Variants in MAPK10 observed in about 807,000 individuals in gnomAD.
The protein encoded by MAPK10 is JNK3 alpha protein kinase.
In MAPK10, 25 loss-of-function variants were observed where a neutral mutation model predicts 59.3. The ratio of observed to expected loss-of-function variants is 0.42; its 90% CI spans 0.31 to 0.59. MAPK10 has a LOEUF of 0.59. Among genes scored for constraint, MAPK10 ranks in the 20% least tolerant of loss-of-function variants. The pLI, the probability that MAPK10 is intolerant of heterozygous loss-of-function variation, is 0.15. For missense variants in MAPK10, 351 were observed against 568.9 expected (o/e 0.62, Z 3.90); for synonymous variants, 190 against 200.5 (o/e 0.95, Z 0.44).
At chr4:86,169,457 G>A (rs2073247743) in intron 3 of MAPK10, among the ~76,000 whole-genome samples, 1 of 152,272 alleles carries the variant, frequency 6.6e-6, no homozygotes, top group South Asian at 2.1e-4. Flanking sequence ...TGGAAGAAAG[G>A]ATATCAGCAA....
intron 1 of MAPK10, among the ~76,000 whole-genome samples, chr4:86,546,671 G>A (rs76747728): frequency 0.047 from 7,124 of 152,190 alleles, 220 homozygotes; most frequent in African/African-American, 0.059. Context: ...ATGCCCATGA[G>A]GCCAGCCCTA....
chr4:86,178,929 G>A (rs572988314), intron 3 of MAPK10, among the ~76,000 whole-genome samples: 1 of 152,258 alleles, frequency 6.6e-6, no homozygotes, highest in Non-Finnish European at 1.5e-5. Flanking sequence ...TTTGCTGGGT[G>A]TGGTGGCTCA....
intron 2 of MAPK10, among the ~76,000 whole-genome samples, chr4:86,257,259 A>C (rs1447815599): frequency 6.6e-6 from 1 of 152,170 alleles, no homozygotes; most frequent in Non-Finnish European, 1.5e-5. Flanking sequence ...TAGTTGAAAG[A>C]AGCAAAAGTC....
chr4:86,065,781 T>C (rs2046621936), intron 10 of MAPK10, among the ~76,000 whole-genome samples: 1 of 152,230 alleles, frequency 6.6e-6, no homozygotes, highest in Non-Finnish European at 1.5e-5. Context: ...TTCAGTTTAT[T>C]CTAACTATAT....
intron 4 of MAPK10, among the ~76,000 whole-genome samples, chr4:86,129,098 T>C (rs904784091): frequency 2.0e-5 from 3 of 152,152 alleles, no homozygotes; most frequent in Non-Finnish European, 4.4e-5. Flanking sequence ...AATAATTTCA[T>C]GTTAATAACT....
At chr4:86,230,972 A>G (rs561082267) in intron 2 of MAPK10, among the ~76,000 whole-genome samples, 1 of 152,344 alleles carries the variant, frequency 6.6e-6, no homozygotes, top group South Asian at 2.1e-4. Context: ...ATAACTGGAA[A>G]AGGGATGCTG....
intron 2 of MAPK10, chr4:86,326,648 G>T (rs1256064560): frequency 6.6e-6 from 1 of 152,132 alleles, no homozygotes; most frequent in Non-Finnish European, 1.5e-5. Context: ...TTTGTAAGAT[G>T]AAATAGCTGA....
intron 2 of MAPK10, among the ~76,000 whole-genome samples, chr4:86,307,352 C>G (rs1397952351): frequency 6.6e-6 from 1 of 152,116 alleles, no homozygotes; most frequent in Non-Finnish European, 1.5e-5. Context: ...CAATTCCATT[C>G]AACTGGCCTA....
chr4:86,256,059 A>G (rs945614086), intron 2 of MAPK10, among the ~76,000 whole-genome samples: 3 of 152,238 alleles, frequency 2.0e-5, no homozygotes, highest in African/African-American at 7.2e-5. Flanking sequence ...AAGCAATTAC[A>G]GGCACCAGAC....
At chr4:86,425,964 C>T (rs1366282054) in intron 1 of MAPK10, among the ~76,000 whole-genome samples, 2 of 152,170 alleles carry the variant, frequency 1.3e-5, no homozygotes, top group Non-Finnish European at 2.9e-5. Context: ...GAGAGAGACT[C>T]TGTCTCAAAA....
intron 3 of MAPK10, among the ~76,000 whole-genome samples, chr4:86,166,285 C>T (rs1477262738): frequency 3.9e-5 from 6 of 152,126 alleles, no homozygotes. Context: ...GACTGTGAGC[C>T]CTTGGGCAAG....
intron 1 of MAPK10, among the ~76,000 whole-genome samples, chr4:86,461,108 C>T (rs1458668332): frequency 6.8e-6 from 1 of 147,266 alleles, no homozygotes; most frequent in African/African-American, 2.5e-5. Flanking sequence ...TGGAACTAAG[C>T]TGGAGGACAC....
chr4:86,154,979 G>T (rs1263802760), intron 4 of MAPK10, among the ~76,000 whole-genome samples: 1 of 151,924 alleles, frequency 6.6e-6, no homozygotes, highest in Non-Finnish European at 1.5e-5. Context: ...AATCACTTTT[G>T]TTCTGGTGCA....
At chr4:86,145,792 T>G (rs1369070462) in intron 4 of MAPK10, among the ~76,000 whole-genome samples, 1 of 152,136 alleles carries the variant, frequency 6.6e-6, no homozygotes, top group Non-Finnish European at 1.5e-5. Context: ...TCTCTTTCTG[T>G]TTTTCTTTCC....
intron 2 of MAPK10, among the ~76,000 whole-genome samples, chr4:86,215,118 T>C (rs2087091002): frequency 6.6e-6 from 1 of 152,074 alleles, no homozygotes; most frequent in Non-Finnish European, 1.5e-5. Context: ...GCATAAACAA[T>C]CAATTAATTT....
At chr4:86,384,741 T>G (rs1450949656) in intron 1 of MAPK10, among the ~76,000 whole-genome samples, 1 of 152,226 alleles carries the variant, frequency 6.6e-6, no homozygotes, top group Admixed American at 6.5e-5. Context: ...ATGTACAAGC[T>G]GACAAAAGTG....
chr4:86,091,332 T>C (rs1236402953), intron 9 of MAPK10: 2 of 151,698 alleles, frequency 1.3e-5, no homozygotes, highest in Non-Finnish European at 2.9e-5. Flanking sequence ...CTAGGCAATC[T>C]ATTTTATTGT....
intron 4 of MAPK10, among the ~76,000 whole-genome samples, chr4:86,138,947 A>G (rs2062908230): frequency 6.7e-6 from 1 of 149,074 alleles, no homozygotes; most frequent in East Asian, 2.0e-4. Flanking sequence ...TTCAAAGAGA[A>G]TAAAATACCT....
At chr4:86,422,699 A>G (rs1442057260) in intron 1 of MAPK10, among the ~76,000 whole-genome samples, 3 of 152,210 alleles carry the variant, frequency 2.0e-5, no homozygotes, top group African/African-American at 4.8e-5. Context: ...TCTCCAAAGT[A>G]AGTTTCAAAA....
Sources: gnomAD v4.1 joint callset for allele counts (sites outside exome capture counted in the v4.1 genomes callset) on GRCh38, gnomAD v4.1.1 for gene constraint, MANE v1.5 for transcripts, NCBI Gene and HGNC (gene_info 2026-07-23, HGNC 2026-07-21) for gene names.